The following CNTNAP2 variants were observed in gnomAD, a reference collection of about 807,000 sequenced individuals.
CNTNAP2 encodes the protein contactin-associated protein-like 2.
A neutral mutation model predicts 155.2 loss-of-function variants in CNTNAP2; 98 were observed. The observed-to-expected ratio is 0.63, with a 90% CI of 0.54 to 0.75. The LOEUF (loss-of-function observed/expected upper bound fraction) is 0.75. Among genes scored for constraint, CNTNAP2 ranks in the 30% least tolerant of loss-of-function variants. CNTNAP2 has a pLI of 0.00. For missense variants in CNTNAP2, 1,727 were observed against 1,688.1 expected (o/e 1.02, Z -0.40); for synonymous variants, 651 against 631.2 (o/e 1.03, Z -0.47).
chr7:146,920,208 G>A (rs144963240), intron 3 of CNTNAP2, among the ~76,000 whole-genome samples: 16 of 152,172 alleles, frequency 1.1e-4, no homozygotes, highest in East Asian at 5.8e-4. Flanking sequence ...GAGGTCAGGC[G>A]TTCAAGACCA....
At chr7:148,271,983 A>G (rs1796788924) in intron 21 of CNTNAP2, among the ~76,000 whole-genome samples, 1 of 152,174 alleles carries the variant, frequency 6.6e-6, no homozygotes, top group African/African-American at 2.4e-5. Context: ...TCTATAAAAG[A>G]AAGAGAAGAA....
intron 3 of CNTNAP2, among the ~76,000 whole-genome samples, chr7:146,943,713 C>T (rs941568427): frequency 3.9e-5 from 6 of 152,100 alleles, no homozygotes; most frequent in Non-Finnish European, 7.4e-5. Context: ...GGGAGCACTT[C>T]GAGCATCACT....
intron 3 of CNTNAP2, among the ~76,000 whole-genome samples, chr7:146,937,113 C>T (rs556891839): frequency 6.6e-6 from 1 of 152,076 alleles, no homozygotes; most frequent in South Asian, 2.1e-4. Context: ...ACCGGCCGGG[C>T]GCAGTGGCTC....
intron 1 of CNTNAP2, among the ~76,000 whole-genome samples, chr7:146,609,051 A>G (rs1799092720): frequency 6.6e-6 from 1 of 152,124 alleles, no homozygotes; most frequent in African/African-American, 2.4e-5. Flanking sequence ...ACTTGGAGAC[A>G]CTCAAGGATT....
intron 14 of CNTNAP2, among the ~76,000 whole-genome samples, chr7:147,912,367 C>G (rs1800082216): frequency 6.6e-6 from 1 of 152,154 alleles, no homozygotes; most frequent in South Asian, 2.1e-4. Context: ...TTCTGACCTC[C>G]TTGCCTGCAT....
At chr7:147,150,054 C>T (rs925096285) in intron 8 of CNTNAP2, among the ~76,000 whole-genome samples, 1 of 152,140 alleles carries the variant, frequency 6.6e-6, no homozygotes, top group Non-Finnish European at 1.5e-5. Context: ...GAATCCAGTC[C>T]TGTTGTGGAC....
intron 3 of CNTNAP2, among the ~76,000 whole-genome samples, chr7:147,035,629 G>A (rs554314832): frequency 6.6e-6 from 1 of 152,290 alleles, no homozygotes; most frequent in South Asian, 2.1e-4. Context: ...CCTGTTGTCA[G>A]TAGCGAAAAG....
At chr7:147,850,284 A>T (rs994135089) in intron 13 of CNTNAP2, among the ~76,000 whole-genome samples, 10 of 152,252 alleles carry the variant, frequency 6.6e-5, no homozygotes, top group African/African-American at 2.4e-4. Flanking sequence ...AACAAATGGA[A>T]GAACATTCCA....
chr7:148,219,351 A>G (rs893162625), intron 19 of CNTNAP2, among the ~76,000 whole-genome samples: 8 of 152,062 alleles, frequency 5.3e-5, no homozygotes, highest in African/African-American at 1.7e-4. Context: ...CCCACTGCCC[A>G]TTGTTTCCTG....
chr7:148,264,089 T>C (rs1336382455), intron 20 of CNTNAP2, among the ~76,000 whole-genome samples: 2 of 145,236 alleles, frequency 1.4e-5, no homozygotes, highest in Non-Finnish European at 3.0e-5. Context: ...TTGGGCTGTA[T>C]TGGGCCTGAG....
At chr7:147,454,409 A>G (rs376633750) in intron 10 of CNTNAP2, among the ~76,000 whole-genome samples, 2 of 152,134 alleles carry the variant, frequency 1.3e-5, no homozygotes, top group East Asian at 1.9e-4. Context: ...CTACTGTATT[A>G]TACAGTATTT....
At position 146,495,903 on chromosome 7, in the gene CNTNAP2, A is replaced by C. The variant is rs144319063; in HGVS notation, c.98-278368A>C. ...TTCACCTTGCCAGAATTTCAAAAGA[A>C]GGTCAAAAAAAGAGGAAAATGAGCA... On this transcript the variant is annotated intron_variant, in intron 1 of 23. Coordinates refer to ENST00000361727, the MANE Select transcript of CNTNAP2 (RefSeq NM_014141.6). 9.3e-3 allele frequency among the ~76,000 whole-genome samples: 1,413 copies of C among 152,278 alleles called. 17 individuals carry two copies. The highest frequency in any genetic ancestry group is 0.033 in the African/African-American group (1,357 of 41,558).
At chr7:147,419,548 A>G (rs1797254853) in intron 10 of CNTNAP2, among the ~76,000 whole-genome samples, 1 of 152,118 alleles carries the variant, frequency 6.6e-6, no homozygotes, top group African/African-American at 2.4e-5. Context: ...TTGCCTCTTT[A>G]CAATTATGAT....
chr7:147,937,196 C>A (rs1049552388), intron 14 of CNTNAP2, among the ~76,000 whole-genome samples: 2 of 152,080 alleles, frequency 1.3e-5, no homozygotes, highest in African/African-American at 4.8e-5. Context: ...GAGGACAGAA[C>A]CAGATTGGTC....
intron 15 of CNTNAP2, among the ~76,000 whole-genome samples, chr7:148,073,769 T>G (rs1803424475): frequency 1.3e-5 from 2 of 151,544 alleles, no homozygotes; most frequent in African/African-American, 4.9e-5. Context: ...TTCTTTTATG[T>G]GTTTTTTTTT....
chr7:146,651,024 T>A (rs1382454106), intron 1 of CNTNAP2, among the ~76,000 whole-genome samples: 1 of 151,940 alleles, frequency 6.6e-6, no homozygotes, highest in African/African-American at 2.4e-5. Flanking sequence ...TAGTGAATTT[T>A]TTTTTTTTTA....
chr7:146,388,416 C>G (rs921557320), intron 1 of CNTNAP2, among the ~76,000 whole-genome samples: 3 of 151,930 alleles, frequency 2.0e-5, no homozygotes, highest in African/African-American at 7.3e-5. Flanking sequence ...GCCTGGGTGA[C>G]AGAGTGAGAT....
At chr7:147,928,361 G>C (rs367650360) in intron 14 of CNTNAP2, among the ~76,000 whole-genome samples, 6 of 152,186 alleles carry the variant, frequency 3.9e-5, no homozygotes, top group Admixed American at 3.3e-4. Flanking sequence ...GAAGATGCTA[G>C]TGTAAGTAAT....
chr7:146,488,207 T>G (rs1030334480), intron 1 of CNTNAP2, among the ~76,000 whole-genome samples: 2 of 151,746 alleles, frequency 1.3e-5, no homozygotes, highest in African/African-American at 4.8e-5. Context: ...GAATTTCCAC[T>G]GCTACAAACC....
Sources: gnomAD v4.1 joint callset for allele counts (sites outside exome capture counted in the v4.1 genomes callset) on GRCh38, gnomAD v4.1.1 for gene constraint, MANE v1.5 for transcripts, NCBI Gene and HGNC (gene_info 2026-07-23, HGNC 2026-07-21) for gene names.